The following KCNN2 variants were observed in gnomAD, a reference collection of about 807,000 sequenced individuals.
The protein encoded by KCNN2 is potassium calcium-activated channel subfamily N member 2, also known as small conductance calcium-activated potassium channel protein 2.
In KCNN2, 24 loss-of-function variants were observed where a neutral mutation model predicts 55.5. That is an observed-to-expected ratio of 0.43 (90% CI 0.31 to 0.61). The LOEUF is 0.61. Ranked by LOEUF, KCNN2 falls within the 20% of genes least tolerant of loss-of-function variation. The pLI, the probability that KCNN2 is intolerant of heterozygous loss-of-function variation, is 0.08. For missense variants in KCNN2, 754 were observed against 853.6 expected (o/e 0.88, Z 1.45); for synonymous variants, 431 against 336.1 (o/e 1.28, Z -3.09).
At chr5:114,092,406 C>T (rs1052669876) in intron 1 of KCNN2, among the ~76,000 whole-genome samples, 2 of 152,178 alleles carry the variant, frequency 1.3e-5, no homozygotes, top group Non-Finnish European at 2.9e-5. Context: ...GCTGCTTTCA[C>T]GGCCAGGCTG....
chr5:114,222,808 G>A (rs1235568291), intron 2 of KCNN2, among the ~76,000 whole-genome samples: 2 of 152,176 alleles, frequency 1.3e-5, no homozygotes, highest in Non-Finnish European at 1.5e-5. Context: ...TAAGTCAGCT[G>A]TTTAAAAAGT....
intron 3 of KCNN2, among the ~76,000 whole-genome samples, chr5:114,445,695 C>A (rs920231888): frequency 6.6e-6 from 1 of 152,150 alleles, no homozygotes; most frequent in African/African-American, 2.4e-5. Context: ...TATCAATATG[C>A]ATATCACTAA....
chr5:114,119,263 T>G (rs1011598319), intron 1 of KCNN2, among the ~76,000 whole-genome samples: 5 of 152,132 alleles, frequency 3.3e-5, no homozygotes, highest in African/African-American at 1.2e-4. Context: ...CATGCTCCAT[T>G]ATTAAAGAGT....
In KCNN2 at chr5:114,232,022, A is replaced by C. The variant is rs1056481541; in HGVS notation, c.-185+10457A>C. ...TTAAAAATATACTTTTAATCTACTG[A>C]TTTTTTTAACTTTTGAGGCCAGTAT... On this transcript the variant is annotated intron_variant, in intron 2 of 10. Coordinates refer to the KCNN2 transcript ENST00000512097. Among the ~76,000 whole-genome samples the C allele has an allele frequency of 1.1e-4, 17 of 151,154 alleles. 3 individuals are homozygous for C. The highest frequency in any genetic ancestry group is 4.2e-4 in the African/African-American group (17 of 40,548).
intron 2 of KCNN2, among the ~76,000 whole-genome samples, chr5:114,342,215 T>TA (rs397808970): frequency 2.0e-5 from 3 of 152,044 alleles, no homozygotes; most frequent in South Asian, 2.1e-4. Context: ...ATTTTTTTTT[T>TA]AAATTATATC....
At chr5:114,243,498 A>G (rs1360610949) in intron 2 of KCNN2, among the ~76,000 whole-genome samples, 1 of 386 alleles carries the variant, frequency 2.6e-3, no homozygotes, top group Non-Finnish European at 5.4e-3. Context: ...GTATCCACAC[A>G]TCTATGCTAC....
chr5:114,301,628 G>A lies in KCNN2; in HGVS notation c.-184-59317G>A, dbSNP rs186658264. On this transcript the variant is annotated intron_variant, in intron 2 of 10. Transcript: ENST00000512097. Reference sequence around the variant, plus strand: ...ACTGAGGCTCGGGGAACAAGCCAGCGTGGGAGCCAAACTAATATAACTTGC... The same window carrying A: ...ACTGAGGCTCGGGGAACAAGCCAGCATGGGAGCCAAACTAATATAACTTGC... 2.7e-4 allele frequency among the ~76,000 whole-genome samples: 41 copies of A among 152,224 alleles called. No homozygotes were observed. The Middle Eastern group carries it at 0.01, about 38-fold the overall frequency.
At chr5:114,083,270 T>C (rs1404646027) in intron 1 of KCNN2, among the ~76,000 whole-genome samples, 1 of 152,014 alleles carries the variant, frequency 6.6e-6, no homozygotes, top group Non-Finnish European at 1.5e-5. Context: ...TGTATCTTTA[T>C]TATACCTCCT....
At chr5:114,453,221 G>T (rs901180695) in intron 3 of KCNN2, among the ~76,000 whole-genome samples, 2 of 152,164 alleles carry the variant, frequency 1.3e-5, no homozygotes, top group Non-Finnish European at 2.9e-5. Context: ...CACCTGCTTT[G>T]TGGGCAAGCC....
At chr5:114,478,182 T>A (rs1762057184) in intron 5 of KCNN2, among the ~76,000 whole-genome samples, 1 of 152,054 alleles carries the variant, frequency 6.6e-6, no homozygotes, top group Non-Finnish European at 1.5e-5. Flanking sequence ...CCCCTTGAAT[T>A]GGCGAGGAGT....
At chr5:114,307,391 G>T (rs918207726) in intron 2 of KCNN2, among the ~76,000 whole-genome samples, 6 of 152,158 alleles carry the variant, frequency 3.9e-5, no homozygotes, top group African/African-American at 1.4e-4. Context: ...TCCTAGTAAT[G>T]CTAGGTCCTG....
At chr5:114,427,481 C>T (rs188126883) in intron 3 of KCNN2, among the ~76,000 whole-genome samples, 108 of 152,326 alleles carry the variant, frequency 7.1e-4, no homozygotes, top group African/African-American at 2.5e-3. Flanking sequence ...TGGCTGGCTT[C>T]TAAATTCCCA....
chr5:114,060,463 G>T (rs1318873092), intron 1 of KCNN2, among the ~76,000 whole-genome samples: 4 of 152,220 alleles, frequency 2.6e-5, no homozygotes, highest in Non-Finnish European at 5.9e-5. Flanking sequence ...GTGCAAGGAA[G>T]GAAGGAAGGG....
At chr5:114,191,033 A>G (rs1012945167) in intron 1 of KCNN2, among the ~76,000 whole-genome samples, 3 of 152,178 alleles carry the variant, frequency 2.0e-5, no homozygotes, top group African/African-American at 7.2e-5. Flanking sequence ...TGGAGTAGAA[A>G]TGCTCAAATA....
intron 2 of KCNN2, among the ~76,000 whole-genome samples, chr5:114,243,519 A>G (rs1754685986): frequency 6.6e-6 from 1 of 152,156 alleles, no homozygotes; most frequent in Non-Finnish European, 1.5e-5. Context: ...TGGCCCATTA[A>G]TCACTTAGTA....
At chr5:114,359,480 G>C (rs972115174), upstream of KCNN2, among the ~76,000 whole-genome samples, 1 of 152,050 alleles carries the variant, frequency 6.6e-6, no homozygotes, top group African/African-American at 2.4e-5. Flanking sequence ...CTATTATTTT[G>C]GTTTTGGAGC....
At chr5:114,182,190 A>T (rs1753253856) in intron 1 of KCNN2, among the ~76,000 whole-genome samples, 1 of 151,850 alleles carries the variant, frequency 6.6e-6, no homozygotes, top group Non-Finnish European at 1.5e-5. Flanking sequence ...TCTACTTCTG[A>T]GTTCTCTACT....
chr5:114,210,197 G>A (rs927318151), intron 1 of KCNN2, among the ~76,000 whole-genome samples: 7 of 152,082 alleles, frequency 4.6e-5, no homozygotes, highest in Non-Finnish European at 7.4e-5. Flanking sequence ...GCTGTGATAT[G>A]CCTTATGGAG....
At chr5:114,299,582 G>C (rs1756108985) in intron 2 of KCNN2, among the ~76,000 whole-genome samples, 1 of 152,158 alleles carries the variant, frequency 6.6e-6, no homozygotes, top group Non-Finnish European at 1.5e-5. Context: ...GCTATCCTCT[G>C]GAAAGGATGT....
Sources: allele counts gnomAD v4.1 joint callset (sites outside exome capture counted in the v4.1 genomes callset), GRCh38; gene constraint gnomAD v4.1.1; transcripts MANE v1.5; gene names NCBI Gene and HGNC (gene_info 2026-07-23, HGNC 2026-07-21).